Variants in ATL2 observed in about 807,000 individuals in gnomAD.
ATL2 encodes the protein atlastin-2.
Under a neutral mutation model 73.9 loss-of-function variants are expected in ATL2, and 31 were observed. That is an observed-to-expected ratio of 0.42 (90% CI 0.32 to 0.57). The LOEUF (loss-of-function observed/expected upper bound fraction) is 0.57, where lower values mean the gene tolerates loss of function less well. Among genes scored for constraint, ATL2 ranks in the 20% least tolerant of loss-of-function variants. The pLI is 0.14. For synonymous variants in ATL2, 291 were observed against 237.5 expected (o/e 1.23, Z -2.07); for missense variants, 738 against 702.6 (o/e 1.05, Z -0.57).
chr2:38,368,290 T>C (rs1671466307), intron 1 of ATL2, among the ~76,000 whole-genome samples: 1 of 151,044 alleles, frequency 6.6e-6, no homozygotes, highest in South Asian at 2.1e-4. Flanking sequence ...TTCACTCTTG[T>C]TGCCCAGGCT....
chr2:38,341,574 C>T (rs187149715), intron 2 of ATL2, among the ~76,000 whole-genome samples: 5 of 152,096 alleles, frequency 3.3e-5, no homozygotes, highest in African/African-American at 4.8e-5. Context: ...GGAGGTTGGG[C>T]TGCAGTCTAC....
intron 1 of ATL2, among the ~76,000 whole-genome samples, chr2:38,355,840 C>G (rs975661186): frequency 1.3e-5 from 2 of 151,696 alleles, no homozygotes; most frequent in Non-Finnish European, 2.9e-5. Flanking sequence ...GTTGGGATTA[C>G]AGGCACGCAC....
chr2:38,308,926 GAGA>G (rs1212746984), intron 9 of ATL2, among the ~76,000 whole-genome samples: 14 of 150,490 alleles, frequency 9.3e-5, no homozygotes, highest in African/African-American at 3.2e-4. Context: ...ATAAAGACTA[GAGA>G]AGAACAGAGG....
intron 2 of ATL2, among the ~76,000 whole-genome samples, chr2:38,331,437 GAAAAAAAAAA>G (rs34238912): frequency 1.1e-4 from 9 of 80,342 alleles, no homozygotes; most frequent in Non-Finnish European, 1.7e-4. Flanking sequence ...TCTGTCTCAA[GAAAAAAAAAA>G]AAAAAAAAAA....
At chr2:38,334,493 G>T (rs1342304907) in intron 2 of ATL2, among the ~76,000 whole-genome samples, 4 of 151,916 alleles carry the variant, frequency 2.6e-5, no homozygotes, top group Non-Finnish European at 5.9e-5. Flanking sequence ...CCTGAGGCCA[G>T]GAGTTCAAGA....
At chr2:38,315,440 A>G (rs766919464) in intron 4 of ATL2, 106 bp from the exon 5 acceptor site, 41 of 1,166,716 alleles carry the variant, frequency 3.5e-5, no homozygotes, top group Non-Finnish European at 4.3e-5. Flanking sequence ...ATCTCAGCGC[A>G]AAGGAATCAT....
intron 2 of ATL2, among the ~76,000 whole-genome samples, chr2:38,321,884 G>A (rs554842798): frequency 6.6e-6 from 1 of 151,764 alleles, no homozygotes; most frequent in Non-Finnish European, 1.5e-5. Flanking sequence ...GGCTGATTTT[G>A]GTATTTTTTG....
chr2:38,297,232 C>T (rs1456970254), intron 12 of ATL2, among the ~76,000 whole-genome samples: 1 of 152,130 alleles, frequency 6.6e-6, no homozygotes, highest in Non-Finnish European at 1.5e-5. Context: ...AAATGGTCTG[C>T]TTCTTCGGTC....
intron 10 of ATL2, among the ~76,000 whole-genome samples, chr2:38,299,643 G>T (rs773031879): frequency 2.8e-4 from 43 of 152,102 alleles, no homozygotes; most frequent in Non-Finnish European, 5.0e-4. Context: ...CAGGTGTTAG[G>T]AATCGAGAAT....
chr2:38,364,104 A>T (rs1006500576), intron 1 of ATL2, among the ~76,000 whole-genome samples: 2 of 152,094 alleles, frequency 1.3e-5, no homozygotes, highest in African/African-American at 4.8e-5. Flanking sequence ...TCTACTAAAA[A>T]TACAAAAATT....
At chr2:38,311,428 C>G (rs1470979053) in intron 7 of ATL2, among the ~76,000 whole-genome samples, 1 of 105,630 alleles carries the variant, frequency 9.5e-6, no homozygotes, top group Admixed American at 9.3e-5. Flanking sequence ...AAAATATGCG[C>G]TATTTATAAT....
rs931566665 is a variant in ATL2, at chr2:38,309,273, C to G, written c.1071+106G>C. The G allele has an allele frequency of 3.7e-6, 4 of 1,087,636 alleles. No homozygotes were observed. In the African/African-American group the frequency reaches 6.5e-5, roughly 18 times the overall value. The allele number at this position is 1,087,636 out of a possible 1,614,324, so 67.4% of individuals were successfully genotyped here. On this transcript the variant is annotated intron_variant, in intron 9 of 12. Coordinates refer to ENST00000378954, the MANE Select transcript of ATL2 (RefSeq NM_001135673.4). ...GCAGAAAGATAAATCACAAATCTTA[C>G]TCTTTTTTGTTTTAAAATAAAGACA...
chr2:38,352,753 G>A (rs1670431421), intron 1 of ATL2, among the ~76,000 whole-genome samples: 1 of 152,166 alleles, frequency 6.6e-6, no homozygotes, highest in African/African-American at 2.4e-5. Flanking sequence ...CACTAGAATC[G>A]ACATATCTTA....
chr2:38,316,700 T>C (rs6544153), intron 4 of ATL2, among the ~76,000 whole-genome samples: 2 of 151,974 alleles, frequency 1.3e-5, no homozygotes, highest in Admixed American at 6.6e-5. Flanking sequence ...ACATCCAAGA[T>C]AGGCAAGATG....
intron 2 of ATL2, among the ~76,000 whole-genome samples, chr2:38,325,695 C>CACA (rs1558412023): frequency 1.2e-3 from 11 of 9,240 alleles, no homozygotes; most frequent in Admixed American, 1.3e-3. Flanking sequence ...CACACACACA[C>CACA]CAGTACACAC....
chr2:38,328,774 A>G (rs972398445), intron 2 of ATL2, among the ~76,000 whole-genome samples: 1 of 152,146 alleles, frequency 6.6e-6, no homozygotes, highest in Non-Finnish European at 1.5e-5. Flanking sequence ...GGTAACTGGA[A>G]AAGAAGAGCA....
chr2:38,305,771 T>A (rs1395229885), intron 9 of ATL2, among the ~76,000 whole-genome samples: 2 of 152,030 alleles, frequency 1.3e-5, no homozygotes. Context: ...ATATATGGGA[T>A]ACAGCGTTAA....
intron 1 of ATL2, among the ~76,000 whole-genome samples, chr2:38,356,284 T>G (rs979492994): frequency 6.6e-6 from 1 of 151,962 alleles, no homozygotes; most frequent in African/African-American, 2.4e-5. Context: ...AATGGTGCGA[T>G]CTCGGCTCAA....
intron 1 of ATL2, among the ~76,000 whole-genome samples, chr2:38,344,984 T>C (rs1283209320): frequency 6.6e-6 from 1 of 152,160 alleles, no homozygotes; most frequent in Non-Finnish European, 1.5e-5. Flanking sequence ...GTACAGAGAA[T>C]GTAAATAGCA....
Sources: allele counts gnomAD v4.1 joint callset (sites outside exome capture counted in the v4.1 genomes callset), GRCh38; gene constraint gnomAD v4.1.1; transcripts MANE v1.5; gene names NCBI Gene and HGNC (gene_info 2026-07-23, HGNC 2026-07-21).